The following RBFOX1 variants were observed in gnomAD, a reference collection of about 807,000 sequenced individuals.
RBFOX1 encodes RNA binding fox-1 homolog 1.
A neutral mutation model predicts 57.7 loss-of-function variants in RBFOX1; 8 were observed. The observed-to-expected ratio is 0.14, with a 90% CI of 0.08 to 0.25. The LOEUF (loss-of-function observed/expected upper bound fraction) is 0.25. Ranked by LOEUF, RBFOX1 falls within the 10% of genes least tolerant of loss-of-function variation. The pLI is 1.00. For missense variants in RBFOX1, 611 were observed against 548.5 expected, an observed-to-expected ratio of 1.11 and a Z score of -1.14; for synonymous variants, 326 against 222.4, an observed-to-expected ratio of 1.47 and a Z score of -4.15.
chr16:7,102,183 A>T (rs1020746786), intron 4 of RBFOX1, among the ~76,000 whole-genome samples: 4 of 152,208 alleles, frequency 2.6e-5, no homozygotes, highest in Non-Finnish European at 5.9e-5. Flanking sequence ...GATTCCAGTT[A>T]AGCCACTGTT....
intron 1 of RBFOX1, among the ~76,000 whole-genome samples, chr16:6,261,482 G>C (rs2097701137): frequency 1.3e-5 from 2 of 152,184 alleles, no homozygotes; most frequent in African/African-American, 2.4e-5. Context: ...TGCCCTGTGA[G>C]AGTTATTATG....
chr16:7,367,657 T>A (rs543671310), intron 4 of RBFOX1, among the ~76,000 whole-genome samples: 24 of 152,128 alleles, frequency 1.6e-4, no homozygotes, highest in Admixed American at 9.2e-4. Context: ...TCAATGGGAA[T>A]AGTGGAGAAA....
chr16:5,911,128 A>G (rs938967061), intron 4 of RBFOX1, among the ~76,000 whole-genome samples: 1 of 152,134 alleles, frequency 6.6e-6, no homozygotes, highest in African/African-American at 2.4e-5. Flanking sequence ...ACTGGCATTG[A>G]TGGAGGGAGC....
intron 4 of RBFOX1, among the ~76,000 whole-genome samples, chr16:7,468,887 A>T (rs1199312863): frequency 2.0e-5 from 3 of 151,488 alleles, no homozygotes; most frequent in Non-Finnish European, 4.4e-5. Context: ...CGTCCAAATG[A>T]CCTGATTCAG....
chr16:5,954,110 C>G (rs933290792), intron 4 of RBFOX1, among the ~76,000 whole-genome samples: 1 of 152,212 alleles, frequency 6.6e-6, no homozygotes, highest in Admixed American at 6.5e-5. Flanking sequence ...GAGAATGACG[C>G]AGTCCAAACG....
chr16:6,510,439 C>T (rs577197522), intron 2 of RBFOX1, among the ~76,000 whole-genome samples: 3 of 152,314 alleles, frequency 2.0e-5, no homozygotes, highest in East Asian at 1.9e-4. Context: ...CCTGGCTAAG[C>T]TCCCTCACTA....
intron 3 of RBFOX1, among the ~76,000 whole-genome samples, chr16:5,632,941 T>TTTTC (rs1196243620): frequency 2.1e-4 from 1 of 4,804 alleles, no homozygotes; most frequent in African/African-American, 1.4e-3. Context: ...TAACAACTCC[T>TTTTC]TTTTTTTTTT....
chr16:6,566,242 C>G (rs1050332545), intron 2 of RBFOX1, among the ~76,000 whole-genome samples: 1 of 152,170 alleles, frequency 6.6e-6, no homozygotes, highest in Non-Finnish European at 1.5e-5. Flanking sequence ...CTGAGATCCA[C>G]CACGGTGAGA....
intron 3 of RBFOX1, among the ~76,000 whole-genome samples, chr16:6,906,811 C>T (rs549914142): frequency 4.8e-4 from 73 of 151,902 alleles, no homozygotes; most frequent in Non-Finnish European, 7.4e-4. Flanking sequence ...CAACCTCTAC[C>T]TCCTGGGTTC....
At position 7,518,064 on chromosome 16, in the gene RBFOX1, C is replaced by A. The variant is rs1429677906; in HGVS notation, c.28-83C>A. Reference sequence around the variant, plus strand: ...CCCTAGAAAGTACGCGGGGCACGATCGTCCTGGGATCTGGGAGGAAGGTTT... The same window carrying A: ...CCCTAGAAAGTACGCGGGGCACGATAGTCCTGGGATCTGGGAGGAAGGTTT... On this transcript the variant is annotated intron_variant, in intron 4 of 15. Transcript: ENST00000550418. The A allele has an allele frequency of 4.7e-6, 7 of 1,503,418 alleles. 1 individual carries two copies. The highest frequency in any genetic ancestry group is 3.9e-5 in the Admixed American group (2 of 51,614). 93.1% of individuals were successfully genotyped at this position (1,503,418 alleles called of 1,614,324 possible). A position where few individuals can be genotyped will look rare whatever the true frequency, so the allele number is the denominator to read the frequency against.
In RBFOX1 at chr16:6,914,050, C is replaced by T. The variant is rs79284529; in HGVS notation, c.-15-138007C>T. Among the ~76,000 whole-genome samples the T allele has an allele frequency of 5.9e-5, 9 of 152,298 alleles. No individual in the cohort carries two copies. The East Asian group carries it at 1.5e-3, about 26-fold the overall frequency. On this transcript the variant is annotated intron_variant, in intron 3 of 15. Coordinates refer to ENST00000550418, the MANE Select transcript of RBFOX1 (RefSeq NM_018723.4). ...ATTAAGCAAAAAATAGTGTTGCATT[C>T]TGGGTTAGAAACCCATCTTTTGTTT...
rs1350062809 is a variant in RBFOX1 at position 7,026,103 on chromosome 16, A to G, written c.-15-25954A>G. Among the ~76,000 whole-genome samples, 7 of 152,156 alleles carry G rather than the reference A, an allele frequency of 4.6e-5. No individual in the cohort carries two copies. The East Asian group carries it at 7.7e-4, about 17-fold the overall frequency. ...GGGTGCTTGCTATGTGGGCAGGACT[A>G]TGGTCACAGGCCAGGGTGGAAATGG... On this transcript the variant is annotated intron_variant, in intron 3 of 15. Coordinates refer to ENST00000550418, the MANE Select transcript of RBFOX1 (RefSeq NM_018723.4).
chr16:7,029,081 TACAC>T (rs71147635), intron 3 of RBFOX1, among the ~76,000 whole-genome samples: 814 of 47,474 alleles, frequency 0.017, 23 homozygotes, highest in Non-Finnish European at 0.018. Flanking sequence ...TATATATATA[TACAC>T]ACACACACAC....
At chr16:7,275,680 C>G (rs956627355) in intron 4 of RBFOX1, among the ~76,000 whole-genome samples, 1 of 152,212 alleles carries the variant, frequency 6.6e-6, no homozygotes, top group Non-Finnish European at 1.5e-5. Flanking sequence ...GTTCTGGACA[C>G]ACTCTCTCCC....
rs536995303 is a variant in RBFOX1 at position 6,666,755 on chromosome 16, A to G, written c.-16+12105A>G. ...AGGTAAACGGTGACTTACGAGAGTTATTGCAACAAAACCCTCCACATAACA... is the reference window on the plus strand; with the variant it reads ...AGGTAAACGGTGACTTACGAGAGTTGTTGCAACAAAACCCTCCACATAACA... On this transcript the variant is annotated intron_variant, in intron 3 of 15. Transcript: ENST00000550418. 1.7e-3 allele frequency among the ~76,000 whole-genome samples: 264 copies of G among 152,250 alleles called. 1 individual carries two copies. Among genetic ancestry groups the G allele is most frequent in the Non-Finnish European group, 2.4e-3 (160 of 68,024 alleles).
intron 3 of RBFOX1, among the ~76,000 whole-genome samples, chr16:6,773,002 A>ATGTGTG (rs138195500): frequency 0.064 from 4,729 of 73,674 alleles, 374 homozygotes; most frequent in African/African-American, 0.19. Flanking sequence ...TGGGGTGCAT[A>ATGTGTG]TGTGTGTGTG....
chr16:5,516,973 C>T (rs184017355), intron 2 of RBFOX1, among the ~76,000 whole-genome samples: 76 of 151,744 alleles, frequency 5.0e-4, no homozygotes, highest in African/African-American at 1.5e-3. Context: ...CGAGCTAATA[C>T]GACTCTTCTC....
rs190064499 is a variant in RBFOX1, at chr16:5,692,217, G to A, written c.318+93256G>A. Among the ~76,000 whole-genome samples the A allele has an allele frequency of 5.4e-5, 8 of 147,636 alleles. No individual in the cohort carries two copies. In the East Asian group the frequency reaches 1.2e-3, roughly 22 times the overall value. On this transcript the variant is annotated intron_variant, in intron 3 of 19. Coordinates refer to the RBFOX1 transcript ENST00000641259. ...TGTGTGTGTGTGTGTGTGTGTGTTTGTGTTTCACTGCTAGCAGATGCACAG... is the reference window on the plus strand; with the variant it reads ...TGTGTGTGTGTGTGTGTGTGTGTTTATGTTTCACTGCTAGCAGATGCACAG...
At chr16:6,943,188 GGCCAAATGGGAACT>G (rs1568000128) in intron 3 of RBFOX1, among the ~76,000 whole-genome samples, 2 of 152,204 alleles carry the variant, frequency 1.3e-5, no homozygotes, top group African/African-American at 4.8e-5. Flanking sequence ...ACCTGAGCTT[GGCCAAATGGGAACT>G]GCTTTGCCTA....
Sources: allele counts gnomAD v4.1 joint callset (sites outside exome capture counted in the v4.1 genomes callset), GRCh38; gene constraint gnomAD v4.1.1; transcripts MANE v1.5; gene names NCBI Gene and HGNC (gene_info 2026-07-23, HGNC 2026-07-21).